Variants in UNC13C observed in about 807,000 individuals in gnomAD.
UNC13C encodes the protein protein unc-13 homolog C.
In UNC13C, 174 loss-of-function variants were observed where a neutral mutation model predicts 245.4. The observed-to-expected ratio is 0.71, with a 90% CI of 0.63 to 0.80. The LOEUF (loss-of-function observed/expected upper bound fraction) is 0.80, where lower values mean the gene tolerates loss of function less well. Among genes scored for constraint, UNC13C ranks in the 30% least tolerant of loss-of-function variants. The pLI is 0.00. For synonymous variants in UNC13C, 992 were observed against 895.1 expected, an observed-to-expected ratio of 1.11 and a Z score of -1.93; for missense variants, 2,829 against 2,602.9, an observed-to-expected ratio of 1.09 and a Z score of -1.89.
At chr15:54,210,629 A>G (rs922547892) in intron 4 of UNC13C, among the ~76,000 whole-genome samples, 4 of 152,074 alleles carry the variant, frequency 2.6e-5, no homozygotes, top group African/African-American at 7.2e-5. Flanking sequence ...AACTTATTTT[A>G]TGTTCTCTAC....
At chr15:53,891,504 G>A in the UNC13C span, among the ~76,000 whole-genome samples, 1 of 151,528 alleles carries the variant, frequency 6.6e-6, no homozygotes, top group African/African-American at 2.4e-5. Context: ...GTCTAAGTCT[G>A]TAGGTCTCTA....
intron 10 of UNC13C, among the ~76,000 whole-genome samples, chr15:54,277,677 A>G (rs6493671): frequency 0.15 from 22,493 of 152,180 alleles, 1,789 homozygotes; most frequent in African/African-American, 0.19. Context: ...ATGGTTTAAG[A>G]CATGCTTTAA....
intron 4 of UNC13C, among the ~76,000 whole-genome samples, chr15:54,207,672 T>C (rs2034757961): frequency 6.6e-6 from 1 of 152,126 alleles, no homozygotes; most frequent in African/African-American, 2.4e-5. Context: ...TTCTAAAAAT[T>C]TGTACATCTC....
At chr15:54,632,855 T>G (rs1017454668), downstream of UNC13C, 2 of 152,136 alleles carry the variant, frequency 1.3e-5, no homozygotes, top group African/African-American at 2.4e-5. Context: ...TTCTACTACT[T>G]CTCACTCTCT....
rs145241027 is a variant in UNC13C at position 54,500,221 on chromosome 15, A to G, written c.5157+46A>G. On this transcript the variant is annotated intron_variant, in intron 21 of 32. Coordinates refer to ENST00000260323, the MANE Select transcript of UNC13C (RefSeq NM_001080534.3). ...GAAAGTTCATTGCCATGATTCAGTC[A>G]CATTGCTTACTTTTAACCTAATGGG... The G allele has an allele frequency of 3.7e-4, 521 of 1,399,484 alleles. 5 individuals carry two copies. In the East Asian group the frequency reaches 7.8e-3, roughly 21 times the overall value. 86.7% of individuals were successfully genotyped at this position (1,399,484 alleles called of 1,614,324 possible). A position where few individuals can be genotyped will look rare whatever the true frequency, so the allele number is the denominator to read the frequency against.
At chr15:54,551,096 ACT>A (rs1896716262) in intron 28 of UNC13C, among the ~76,000 whole-genome samples, 1 of 152,032 alleles carries the variant, frequency 6.6e-6, no homozygotes, top group South Asian at 2.1e-4. Context: ...TCCAGGGGTA[ACT>A]CTGGTTTCTG....
At chr15:53,860,659 C>A in the UNC13C span, among the ~76,000 whole-genome samples, 1 of 152,192 alleles carries the variant, frequency 6.6e-6, no homozygotes, top group Non-Finnish European at 1.5e-5. Context: ...CATTCCTAAT[C>A]CTTTCAAACC....
At chr15:54,058,065 A>G (rs1595783863) in intron 2 of UNC13C, among the ~76,000 whole-genome samples, 1 of 152,158 alleles carries the variant, frequency 6.6e-6, no homozygotes, top group South Asian at 2.1e-4. Flanking sequence ...GAGAACCAAG[A>G]GCAAACACAT....
chr15:54,511,858 T>TA (rs764960883), intron 24 of UNC13C, 28 bp downstream of exon 24: 8 of 1,524,746 alleles, frequency 5.2e-6, no homozygotes, highest in Non-Finnish European at 6.3e-6. Context: ...CTACATTTGC[T>TA]AAAAACCTAC....
rs556450297 is a variant in UNC13C, at chr15:54,541,648, A to G, written c.5697-5074A>G. ...ACTTACTAGCTTCACTTCCGTGGAC[A>G]AGTACCCAAGCCTCTGTGCCTGTTT... On this transcript the variant is annotated intron_variant, in intron 26 of 32. Coordinates refer to ENST00000260323, the MANE Select transcript of UNC13C (RefSeq NM_001080534.3). Among the ~76,000 whole-genome samples the G allele has an allele frequency of 4.6e-5, 7 of 152,254 alleles. No individual in the cohort carries two copies. In the South Asian group the frequency reaches 1.5e-3, roughly 32 times the overall value.
At chr15:54,612,867 C>A (rs950586060) in intron 30 of UNC13C, among the ~76,000 whole-genome samples, 1 of 151,874 alleles carries the variant, frequency 6.6e-6, no homozygotes, top group Non-Finnish European at 1.5e-5. Flanking sequence ...TTTCTTGTTA[C>A]TATAAGTTTT....
intron 11 of UNC13C, among the ~76,000 whole-genome samples, 164 bp downstream of exon 11, chr15:54,294,228 T>G (rs1163288854): frequency 6.6e-6 from 1 of 152,116 alleles, no homozygotes; most frequent in Non-Finnish European, 1.5e-5. Flanking sequence ...CTATTCTTTT[T>G]TCAATACTGT....
intron 2 of UNC13C, among the ~76,000 whole-genome samples, chr15:54,094,076 A>G (rs1333813836): frequency 6.6e-6 from 1 of 151,962 alleles, no homozygotes; most frequent in Non-Finnish European, 1.5e-5. Flanking sequence ...ACACTCATCA[A>G]TGACTGAGTG....
At chr15:54,454,917 C>T (rs1472912074) in intron 19 of UNC13C, among the ~76,000 whole-genome samples, 1 of 151,628 alleles carries the variant, frequency 6.6e-6, no homozygotes, top group African/African-American at 2.4e-5. Context: ...GCACCCATCA[C>T]GTCAGTAGTA....
rs1387440755 is a variant in UNC13C at position 54,623,967 on chromosome 15, C to G, written c.6359+13C>G. The G allele has an allele frequency of 6.2e-7, 1 of 1,612,606 alleles. No individual in the cohort carries two copies. Among genetic ancestry groups the G allele is most frequent in the South Asian group, 1.1e-5 (1 of 91,014 alleles). Reference sequence around the variant, plus strand: ...AAACATTTCAGTTGTAAGTCATAAACCCACCTTACTTATTCTACCAGGCAA... The same window carrying G: ...AAACATTTCAGTTGTAAGTCATAAAGCCACCTTACTTATTCTACCAGGCAA... On this transcript the variant is annotated intron_variant, in intron 32 of 32. Coordinates refer to ENST00000260323, the MANE Select transcript of UNC13C (RefSeq NM_001080534.3).
the UNC13C span, among the ~76,000 whole-genome samples, chr15:53,839,478 G>T: frequency 6.6e-6 from 1 of 152,016 alleles, no homozygotes; most frequent in South Asian, 2.1e-4. Flanking sequence ...TTACAAGAAT[G>T]CTTTTGGTCT....
chr15:54,455,040 A>C (rs1567288552), intron 19 of UNC13C, among the ~76,000 whole-genome samples: 1 of 151,032 alleles, frequency 6.6e-6, no homozygotes, highest in Non-Finnish European at 1.5e-5. Context: ...CCCACTTATA[A>C]GTGAGAACAT....
chr15:53,839,150 T>C, the UNC13C span, among the ~76,000 whole-genome samples: 1 of 152,066 alleles, frequency 6.6e-6, no homozygotes, highest in African/African-American at 2.4e-5. Flanking sequence ...CAGGTGTGTG[T>C]GTGTTTCTTC....
At chr15:54,270,219 A>G (rs577403205) in intron 10 of UNC13C, among the ~76,000 whole-genome samples, 1 of 152,228 alleles carries the variant, frequency 6.6e-6, no homozygotes, top group Non-Finnish European at 1.5e-5. Context: ...TTTTGCAGAA[A>G]GAAATGAGTT....
Sources: gnomAD v4.1 joint callset for allele counts (sites outside exome capture counted in the v4.1 genomes callset) on GRCh38, gnomAD v4.1.1 for gene constraint, MANE v1.5 for transcripts, NCBI Gene and HGNC (gene_info 2026-07-23, HGNC 2026-07-21) for gene names.